PM20D1: variants seen among roughly 807,000 people sequenced by gnomAD.
PM20D1 encodes N-fatty-acyl-amino acid synthase/hydrolase PM20D1.
A neutral mutation model predicts 53.8 loss-of-function variants in PM20D1; 53 were observed. The ratio of observed to expected loss-of-function variants is 0.98; its 90% CI spans 0.79 to 1.24. The LOEUF (loss-of-function observed/expected upper bound fraction) is 1.24. PM20D1 is among the 50% of genes most tolerant of loss of function. The pLI is 0.00. For missense variants in PM20D1, 564 were observed against 616.8 expected (o/e 0.91, Z 0.91); for synonymous variants, 239 against 241.3 (o/e 0.99, Z 0.09).
intron 5 of PM20D1, 103 bp downstream of exon 5, chr1:205,843,984 T>C (rs955610993): frequency 1.0e-4 from 154 of 1,505,962 alleles, no homozygotes; most frequent in Non-Finnish European, 1.3e-4. Context: ...GCGAGAGGTG[T>C]ACACAAAGAG....
chr1:205,832,788 G>A, intron 10 of PM20D1, 22 bp from the exon 11 acceptor site: 1 of 1,536,444 alleles, frequency 6.5e-7, no homozygotes, highest in Non-Finnish European at 8.7e-7. Context: ...AAACAAAGGG[G>A]GTTCGATTTC....
At chr1:205,840,810 A>G (rs1307180281) in intron 9 of PM20D1, among the ~76,000 whole-genome samples, 1 of 152,076 alleles carries the variant, frequency 6.6e-6, no homozygotes, top group Non-Finnish European at 1.5e-5. Context: ...AAGAACACAT[A>G]CTCCTCACAT....
chr1:205,844,312 C>T (rs1052188540), intron 4 of PM20D1, 95 bp from the exon 5 acceptor site: 38 of 1,374,648 alleles, frequency 2.8e-5, no homozygotes, highest in Non-Finnish European at 3.4e-5. Context: ...GCTAGGGGCT[C>T]CAGAACCTTT....
chr1:205,841,117 A>G (rs762475011), intron 9 of PM20D1, among the ~76,000 whole-genome samples: 1 of 152,208 alleles, frequency 6.6e-6, no homozygotes, highest in Non-Finnish European at 1.5e-5. Context: ...ACCTTCTAGC[A>G]GGGATTGGTG....
chr1:205,844,980 G>T, intron 3 of PM20D1, 83 bp from the exon 4 acceptor site: 2 of 1,194,544 alleles, frequency 1.7e-6, no homozygotes, highest in Non-Finnish European at 2.4e-6. Context: ...TCAGTTGCCT[G>T]TTATCAGGGC....
chr1:205,844,849 G>A lies in PM20D1; in HGVS notation c.538C>T (p.Arg180Ter), dbSNP rs749260059. 2.9e-5 allele frequency: 46 copies of A among 1,613,812 alleles called. No homozygotes were observed. The highest frequency in any genetic ancestry group is 6.7e-5 in the African/African-American group (5 of 74,906). ...ELLLIRKYIPRRSFFISLGHD... is the reference protein window; with the variant it reads ...ELLLIRKYIP ...CCCAGAGAAATGAAGAAAGATCTTC[G>A]GGGGATGTACTTCCTGATCAGCAGG... The change falls in exon 4 of 13, where the codon CGA (arginine) becomes TGA (stop). Residue 180 changes from arginine to a stop codon, truncating the protein, a stop_gained. Coordinates refer to ENST00000367136, the MANE Select transcript of PM20D1 (RefSeq NM_152491.5). LOFTEE classifies it high-confidence loss of function.
chr1:205,849,848 T>C, intron 1 of PM20D1, 56 bp downstream of exon 1: 1 of 1,540,700 alleles, frequency 6.5e-7, no homozygotes, highest in Non-Finnish European at 8.8e-7. Context: ...CGGGTTGACC[T>C]GGGGAGGGAG....
At chr1:205,840,344 C>T (rs1656778907) in intron 9 of PM20D1, 21 bp from the exon 10 acceptor site, 2 of 1,608,554 alleles carry the variant, frequency 1.2e-6, no homozygotes, top group Non-Finnish European at 1.7e-6. Flanking sequence ...AAGCACAAAA[C>T]CCTGGCTTGA....
intron 10 of PM20D1, among the ~76,000 whole-genome samples, chr1:205,836,742 A>G (rs1177774582): frequency 6.6e-6 from 1 of 152,118 alleles, no homozygotes; most frequent in Admixed American, 6.6e-5. Context: ...GCCTCAAGCA[A>G]TCCTCTGGCC....
At chr1:205,837,286 T>G (rs965350248) in intron 10 of PM20D1, among the ~76,000 whole-genome samples, 1 of 152,214 alleles carries the variant, frequency 6.6e-6, no homozygotes, top group Non-Finnish European at 1.5e-5. Flanking sequence ...TGAGCCCTTT[T>G]AGTGATGAGG....
intron 6 of PM20D1, among the ~76,000 whole-genome samples, chr1:205,843,405 C>T (rs910102521): frequency 4.6e-5 from 7 of 152,206 alleles, no homozygotes; most frequent in African/African-American, 1.2e-4. Flanking sequence ...AAGGAATTCT[C>T]ACTCCATTTG....
intron 10 of PM20D1, among the ~76,000 whole-genome samples, chr1:205,836,270 G>A (rs185054262): frequency 2.0e-5 from 3 of 152,326 alleles, no homozygotes; most frequent in East Asian, 3.9e-4. Flanking sequence ...CGGTACAGCT[G>A]TTGAAGGCAA....
chr1:205,831,566 CTTT>C lies in PM20D1; in HGVS notation c.1285+1029_1285+1031del, dbSNP rs35289636. Among the ~76,000 whole-genome samples, 839 of 127,838 alleles carry C rather than the reference CTTT, an allele frequency of 6.6e-3. 5 individuals are homozygous for C. Among genetic ancestry groups the C allele is most frequent in the African/African-American group, 0.023 (784 of 34,576 alleles). The allele number at this position is 127,838 out of a possible 152,430, so 83.9% of individuals were successfully genotyped here. A position where few individuals can be genotyped will look rare whatever the true frequency, so the allele number is the denominator to read the frequency against. On this transcript the variant is annotated intron_variant, in intron 11 of 12. Transcript: ENST00000367136. ...ATTATTATTGAGCAACGTCTCTCTC[CTTT>C]TTTTTTTTTTTTTTGACAGAGTCTT...
chr1:205,828,711 TGGA>T lies in PM20D1; in HGVS notation c.1415_1417del (p.Val472_Gln473delinsGlu), dbSNP rs776183782. 1.2e-6 allele frequency: 2 copies of T among 1,614,152 alleles called. No homozygotes were observed. The highest frequency in any genetic ancestry group is 3.3e-5 in the Admixed American group (2 of 60,028). On this transcript the variant is annotated inframe_deletion, in exon 13 of 13. Coordinates refer to ENST00000367136, the MANE Select transcript of PM20D1 (RefSeq NM_152491.5). ...GAATTTCACTTGGGTCTCATAGGCT[TGGA>T]CTGAGATTTTCTCGTTGACTCCATG...
At chr1:205,839,825 C>T (rs1161806844) in intron 10 of PM20D1, among the ~76,000 whole-genome samples, 3 of 143,608 alleles carry the variant, frequency 2.1e-5, no homozygotes, top group African/African-American at 7.8e-5. Flanking sequence ...GCAGGAGAAT[C>T]GCTTGAACCC....
chr1:205,846,923 G>C lies in PM20D1; in HGVS notation c.256+962C>G, dbSNP rs558039263. 8.3e-3 allele frequency among the ~76,000 whole-genome samples: 1,247 copies of C among 149,694 alleles called. 10 individuals carry two copies. The highest frequency in any genetic ancestry group is 0.026 in the African/African-American group (1,056 of 40,512). ...TTTGTCTCCTATTTAGTAAAGACTT[G>C]CAGCCTTTTCAGCCTGGCCTCAGCT... On this transcript the variant is annotated intron_variant, in intron 2 of 12. Transcript: ENST00000367136.
chr1:205,843,052 C>T lies in PM20D1; in HGVS notation c.828-301G>A, dbSNP rs1252848152. Among the ~76,000 whole-genome samples the T allele has an allele frequency of 3.3e-5, 5 of 152,164 alleles. No homozygotes were observed. In the East Asian group the frequency reaches 9.6e-4, roughly 29 times the overall value. ...TACAGCAGAATTGTCAGTCTCCTGACAATTTGAATGAATATAGCACTCCTT... is the reference window on the plus strand; with the variant it reads ...TACAGCAGAATTGTCAGTCTCCTGATAATTTGAATGAATATAGCACTCCTT... On this transcript the variant is annotated intron_variant, in intron 6 of 12. Coordinates refer to ENST00000367136, the MANE Select transcript of PM20D1 (RefSeq NM_152491.5).
At chr1:205,830,152 T>G (rs746485844) in intron 12 of PM20D1, 128 bp downstream of exon 12, 4 of 678,174 alleles carry the variant, frequency 5.9e-6, no homozygotes, top group Non-Finnish European at 1.0e-5. Flanking sequence ...CTACAATGTC[T>G]CCATTTCATT....
intron 1 of PM20D1, among the ~76,000 whole-genome samples, chr1:205,848,227 G>T (rs1015339181): frequency 1.3e-5 from 2 of 152,134 alleles, no homozygotes; most frequent in African/African-American, 4.8e-5. Flanking sequence ...AGGCTGATAT[G>T]GTTCTTAAAG....
Sources: allele counts gnomAD v4.1 joint callset (sites outside exome capture counted in the v4.1 genomes callset), GRCh38; gene constraint gnomAD v4.1.1; transcripts MANE v1.5; gene names NCBI Gene and HGNC (gene_info 2026-07-23, HGNC 2026-07-21).